Variants in APCDD1 observed in about 807,000 individuals in gnomAD.
APCDD1 encodes the protein protein APCDD1.
APCDD1 carries 15 observed loss-of-function variants against 38.1 expected under a neutral mutation model. That is an observed-to-expected ratio of 0.39 (90% CI 0.26 to 0.61). The LOEUF (loss-of-function observed/expected upper bound fraction) is 0.61, where lower values mean the gene tolerates loss of function less well. Ranked by LOEUF, APCDD1 falls within the 20% of genes least tolerant of loss-of-function variation. The pLI is 0.49. For missense variants in APCDD1, 647 were observed against 696.2 expected, an observed-to-expected ratio of 0.93 and a Z score of 0.79; for synonymous variants, 261 against 279.7, an observed-to-expected ratio of 0.93 and a Z score of 0.67.
chr18:10,465,057 A>C (rs564991), intron 1 of APCDD1, among the ~76,000 whole-genome samples: 60,551 of 152,142 alleles, frequency 0.4, 12,362 homozygotes, highest in Admixed American at 0.53. Context: ...ATCCCTTCAT[A>C]ACTGACGAGT....
At position 10,454,738 on chromosome 18, in the gene APCDD1, C is replaced by G; in HGVS notation, c.-244C>G. On this transcript the variant is annotated 5_prime_UTR_variant, in exon 1 of 5. Coordinates refer to ENST00000355285, the MANE Select transcript of APCDD1 (RefSeq NM_153000.5). ...GGGGCCGGGCGCGGAGAAGTCGGGG[C>G]GGGCGGCAGAGAGGCCGGGACGCGG... The G allele has an allele frequency of 1.0e-6, 1 of 981,304 alleles. No individual in the cohort carries two copies. Among genetic ancestry groups the G allele is most frequent in the Non-Finnish European group, 1.2e-6 (1 of 828,508 alleles). The allele number at this position is 981,304 out of a possible 1,614,324, so 60.8% of individuals were successfully genotyped here.
intron 3 of APCDD1, chr18:10,477,370 G>A (rs1334700160): frequency 6.6e-6 from 1 of 152,276 alleles, no homozygotes; most frequent in Non-Finnish European, 1.5e-5. Context: ...GGGATAGGTT[G>A]AGGGGGTCTT....
intron 1 of APCDD1, among the ~76,000 whole-genome samples, chr18:10,462,627 C>T (rs58007117): frequency 4.9e-3 from 68 of 13,782 alleles, no homozygotes; most frequent in East Asian, 0.011. Flanking sequence ...CCTTCCTTCC[C>T]TCCTTCCTTC....
At position 10,485,317 on chromosome 18, in the gene APCDD1, G is replaced by A. The variant is rs1195799173; in HGVS notation, c.775-145G>A. 2.3e-6 allele frequency: 2 copies of A among 858,202 alleles called. No homozygotes were observed. Among genetic ancestry groups the A allele is most frequent in the Admixed American group, 3.7e-5 (2 of 53,728 alleles). 53.2% of individuals were successfully genotyped at this position (858,202 alleles called of 1,614,324 possible). ...TCACTCTCACCTCTGTCTGTGCCCG[G>A]AGCATGATTCCAGTTGGTTCTTGGT... On this transcript the variant is annotated intron_variant, in intron 3 of 4. Coordinates refer to ENST00000355285, the MANE Select transcript of APCDD1 (RefSeq NM_153000.5). The surrounding 1 kb of genome is among the most constrained non-coding windows in gnomAD (Gnocchi z 5.8).
chr18:10,487,665 G>A lies in APCDD1; in HGVS notation c.1172G>A (p.Gly391Glu). 1 of 1,614,182 alleles carries A rather than the reference G, an allele frequency of 6.2e-7. No homozygotes were observed. The highest frequency in any genetic ancestry group is 2.2e-5 in the East Asian group (1 of 44,882). Reference protein sequence around the residue: ...LLNVFNGNECGAEGSWQVGIQ... With the variant: ...LLNVFNGNECEAEGSWQVGIQ... The stretch of plus-strand genomic sequence containing the variant: ...AACGTCTTCAACGGGAATGAGTGCG[G>A]GGCCGAGGGCTCCTGGCAGGTGGGC... Residue 391 changes from glycine to glutamate, a missense_variant, in exon 5 of 5, where the codon GGG becomes GAG. Coordinates refer to ENST00000355285, the MANE Select transcript of APCDD1 (RefSeq NM_153000.5).
chr18:10,480,900 AAG>A (rs1345721209), intron 3 of APCDD1, among the ~76,000 whole-genome samples: 1 of 152,012 alleles, frequency 6.6e-6, no homozygotes, highest in South Asian at 2.1e-4. Flanking sequence ...GTCTCAAAAA[AAG>A]AAAAAAAAAA....
intron 3 of APCDD1, among the ~76,000 whole-genome samples, chr18:10,482,130 C>A (rs941440612): frequency 6.6e-6 from 1 of 152,170 alleles, no homozygotes; most frequent in African/African-American, 2.4e-5. Flanking sequence ...ACTAACGTCC[C>A]TTATTTCATT....
intron 1 of APCDD1, 80 bp from the exon 2 acceptor site, chr18:10,468,389 G>A: frequency 6.9e-7 from 1 of 1,438,880 alleles, no homozygotes; most frequent in South Asian, 1.1e-5. Context: ...GCCACTGTCT[G>A]CTGCAGAGGT....
In APCDD1 at chr18:10,476,379, T is replaced by G. The variant is rs1170954170; in HGVS notation, c.774+4318T>G. ...ATTCAGGTGTGCTGGGAGGGTTCAT[T>G]CAGGATGGAACTGGCTACTCTTCAT... is the stretch of plus-strand genomic sequence containing the variant. On this transcript the variant is annotated intron_variant, in intron 3 of 4. Transcript: ENST00000355285. This position sits in a 1 kb window ranked among gnomAD's most constrained non-coding sequence, Gnocchi z 5.8. The G allele has an allele frequency of 6.6e-6, 1 of 152,172 alleles. No individual in the cohort carries two copies. The highest frequency in any genetic ancestry group is 2.4e-5 in the African/African-American group (1 of 41,434). 9.4% of individuals were successfully genotyped at this position (152,172 alleles called of 1,614,324 possible). A position where few individuals can be genotyped will look rare whatever the true frequency, so the allele number is the denominator to read the frequency against.
Position 10,485,322 on chromosome 18 carries a change from T to C in APCDD1, c.775-140T>C. On this transcript the variant is annotated intron_variant, in intron 3 of 4. Transcript: ENST00000355285. This position sits in a 1 kb window ranked among gnomAD's most constrained non-coding sequence, Gnocchi z 5.8. ...CTCACCTCTGTCTGTGCCCGGAGCA[T>C]GATTCCAGTTGGTTCTTGGTGTCGA... The C allele has an allele frequency of 1.1e-6, 1 of 890,440 alleles. No homozygotes were observed. Among genetic ancestry groups the C allele is most frequent in the Non-Finnish European group, 1.8e-6 (1 of 542,312 alleles). The allele number at this position is 890,440 out of a possible 1,614,324, so 55.2% of individuals were successfully genotyped here.
chr18:10,456,865 GA>G (rs2030395600), intron 1 of APCDD1, among the ~76,000 whole-genome samples: 1 of 152,218 alleles, frequency 6.6e-6, no homozygotes. Context: ...TTGGGAGGGG[GA>G]TTGGGGAGCA....
rs1786683 is a variant in APCDD1 at position 10,476,152 on chromosome 18, A to C, written c.774+4091A>C. On this transcript the variant is annotated intron_variant, in intron 3 of 4. Transcript: ENST00000355285. The surrounding 1 kb of genome is among the most constrained non-coding windows in gnomAD (Gnocchi z 5.8). ...GGAACCTCCTCCTTTGAACTCTTCT[A>C]CTTCCCTAATTGCTGGTCCATAGAG... is the stretch of plus-strand genomic sequence containing the variant. The C allele has an allele frequency of 0.23, 35,402 of 152,170 alleles. 5,437 individuals carry two copies. Among genetic ancestry groups the C allele is most frequent in the African/African-American group, 0.43 (17,982 of 41,482 alleles). 9.4% of individuals were successfully genotyped at this position (152,170 alleles called of 1,614,324 possible).
chr18:10,486,205 T>A (rs557112004), intron 4 of APCDD1, among the ~76,000 whole-genome samples: 369 of 152,236 alleles, frequency 2.4e-3, no homozygotes, highest in African/African-American at 8.6e-3. Flanking sequence ...ATAAAATAAA[T>A]TAGCTGGATG....
chr18:10,481,281 G>A (rs1425914931), intron 3 of APCDD1, among the ~76,000 whole-genome samples: 1 of 152,166 alleles, frequency 6.6e-6, no homozygotes, highest in African/African-American at 2.4e-5. Context: ...GCCAAGAGGT[G>A]GAAGCAACCT....
intron 3 of APCDD1, among the ~76,000 whole-genome samples, chr18:10,478,660 C>T (rs1230034969): frequency 6.6e-6 from 1 of 152,184 alleles, no homozygotes; most frequent in African/African-American, 2.4e-5. Context: ...TCACCCCCCA[C>T]AGGCCCCACC....
At chr18:10,462,035 A>C (rs1297459355) in intron 1 of APCDD1, among the ~76,000 whole-genome samples, 2 of 152,228 alleles carry the variant, frequency 1.3e-5, no homozygotes, top group African/African-American at 2.4e-5. Flanking sequence ...GGCACTTCTA[A>C]GAACCTGAAT....
Position 10,462,008 on chromosome 18 carries a change from G to T in APCDD1, c.59-6461G>T, listed in dbSNP as rs1045310510. ...TTCTATCCACAGCCCCATTCTACAG[G>T]CACGGTAGTGCCTTAAGGCACTTCT... On this transcript the variant is annotated intron_variant, in intron 1 of 4. Coordinates refer to ENST00000355285, the MANE Select transcript of APCDD1 (RefSeq NM_153000.5). 2.9e-4 allele frequency among the ~76,000 whole-genome samples: 44 copies of T among 152,134 alleles called. 1 individual carries two copies. The highest frequency in any genetic ancestry group is 9.9e-4 in the African/African-American group (41 of 41,418).
rs545324601 is a variant in APCDD1 at position 10,476,098 on chromosome 18, A to G, written c.774+4037A>G. On this transcript the variant is annotated intron_variant, in intron 3 of 4. Transcript: ENST00000355285. The surrounding 1 kb of genome is among the most constrained non-coding windows in gnomAD (Gnocchi z 5.8). ...AGAAAGGCTGGGAGAACGTCTTCAA[A>G]GACCGTACACGCCTGCCCAGGAGAG... 6.6e-5 allele frequency: 10 copies of G among 152,398 alleles called. No homozygotes were observed. The highest frequency in any genetic ancestry group is 2.4e-4 in the African/African-American group (10 of 41,594). The allele number at this position is 152,398 out of a possible 1,614,324, so 9.4% of individuals were successfully genotyped here.
Position 10,470,069 on chromosome 18 carries a change from A to G in APCDD1, c.242+1417A>G, listed in dbSNP as rs2030814259. ...GCTGTTTGGCAAATGGACGGGAGAAAAAGTGATTTGGGGGTGACCAGTTAA... is the reference window on the plus strand; with the variant it reads ...GCTGTTTGGCAAATGGACGGGAGAAGAAGTGATTTGGGGGTGACCAGTTAA... On this transcript the variant is annotated intron_variant, in intron 2 of 4. Coordinates refer to ENST00000355285, the MANE Select transcript of APCDD1 (RefSeq NM_153000.5). The surrounding 1 kb of genome is among the most constrained non-coding windows in gnomAD (Gnocchi z 4.1). Among the ~76,000 whole-genome samples, 1 of 152,158 alleles carries G rather than the reference A, an allele frequency of 6.6e-6. No homozygotes were observed. The highest frequency in any genetic ancestry group is 1.5e-5 in the Non-Finnish European group (1 of 68,034).
Sources: allele counts gnomAD v4.1 joint callset (sites outside exome capture counted in the v4.1 genomes callset), GRCh38; gene constraint gnomAD v4.1.1; non-coding constraint Gnocchi (gnomAD v3.1); transcripts MANE v1.5; gene names NCBI Gene and HGNC (gene_info 2026-07-23, HGNC 2026-07-21).